PCDHGA1: variants seen among roughly 807,000 people sequenced by gnomAD.
The protein encoded by PCDHGA1 is protocadherin gamma subfamily A, 1.
In PCDHGA1, 32 loss-of-function variants were observed where a neutral mutation model predicts 58.0. The observed-to-expected ratio is 0.55, with a 90% CI of 0.42 to 0.74. The LOEUF is 0.74. Ranked by LOEUF, PCDHGA1 falls within the 30% of genes least tolerant of loss-of-function variation. The pLI, the probability that PCDHGA1 is intolerant of heterozygous loss-of-function variation, is 0.00. For missense variants in PCDHGA1, 1,205 were observed against 1,182.3 expected (o/e 1.02, Z -0.28); for synonymous variants, 498 against 501.1 (o/e 0.99, Z 0.08).
chr5:141,432,088 AGACACCAAC>A lies in PCDHGA1; in HGVS notation c.2422-62714_2422-62706del, dbSNP rs1561857611. 6.2e-7 allele frequency: 1 copy of A among 1,614,148 alleles called. No individual in the cohort carries two copies. Among genetic ancestry groups the A allele is most frequent in the Admixed American group, 1.7e-5 (1 of 60,024 alleles). ...AAACTCATATCTCGCTGAACGTGGC[AGACACCAAC>A]GACAACCCGCCGGTCTTCCCTCAGG... is the stretch of plus-strand genomic sequence containing the variant. On this transcript the variant is annotated intron_variant, in intron 1 of 3. Transcript: ENST00000517417. This position sits in a 1 kb window ranked among gnomAD's most constrained non-coding sequence, Gnocchi z 6.0.
At chr5:141,392,694 CCT>C in intron 1 of PCDHGA1, 4 of 1,186,390 alleles carry the variant, frequency 3.4e-6, no homozygotes, top group Non-Finnish European at 4.6e-6. Flanking sequence ...AAACCCGACC[CCT>C]GTTTGGAGGC....
chr5:141,459,311 T>A (rs1298312167), intron 1 of PCDHGA1, among the ~76,000 whole-genome samples: 1 of 152,250 alleles, frequency 6.6e-6, no homozygotes, highest in Non-Finnish European at 1.5e-5. Flanking sequence ...TATACTATTT[T>A]GTATCCATCT....
At chr5:141,442,005 C>G (rs1037210381) in intron 1 of PCDHGA1, 1 of 229,014 alleles carries the variant, frequency 4.4e-6, no homozygotes. Flanking sequence ...GCTGACAGCT[C>G]GCACGATGGG....
Position 141,490,778 on chromosome 5 carries a change from A to T in PCDHGA1, c.2422-4029A>T, listed in dbSNP as rs964301520. The T allele has an allele frequency of 5.6e-6, 9 of 1,614,098 alleles. No individual in the cohort carries two copies. The highest frequency in any genetic ancestry group is 7.6e-6 in the Non-Finnish European group (9 of 1,179,962). On this transcript the variant is annotated intron_variant, in intron 1 of 3. Transcript: ENST00000517417. This position sits in a 1 kb window ranked among gnomAD's most constrained non-coding sequence, Gnocchi z 5.4. ...TCCTTTGTGTATGTCAACCCAGAGG[A>T]TGGACGGATCTTTGCCCAGCGTACC... is the stretch of plus-strand genomic sequence containing the variant.
chr5:141,374,172 A>C (rs1770228418), intron 1 of PCDHGA1: 1 of 1,613,448 alleles, frequency 6.2e-7, no homozygotes, highest in Non-Finnish European at 8.5e-7. Context: ...GCGGCAGCGC[A>C]GATCCGCTAC....
At chr5:141,346,169 G>A in intron 1 of PCDHGA1, 10 of 1,614,052 alleles carry the variant, frequency 6.2e-6, no homozygotes, top group South Asian at 1.1e-5. Flanking sequence ...TCGTGCTGCT[G>A]GCGCTCAGGC....
intron 1 of PCDHGA1, chr5:141,364,269 A>G: frequency 6.6e-7 from 1 of 1,512,256 alleles, no homozygotes; most frequent in East Asian, 2.3e-5. Flanking sequence ...CATCGGCTTT[A>G]GATAAATAAG....
intron 1 of PCDHGA1, chr5:141,344,903 G>GTTA (rs759512018): frequency 6.2e-7 from 1 of 1,613,758 alleles, no homozygotes; most frequent in Non-Finnish European, 8.5e-7. Flanking sequence ...AAATCGCTGA[G>GTTA]ATTTTCCATC....
Position 141,431,435 on chromosome 5 carries a change from G to T in PCDHGA1, c.2422-63372G>T. On this transcript the variant is annotated intron_variant, in intron 1 of 3. Coordinates refer to ENST00000517417, the MANE Select transcript of PCDHGA1 (RefSeq NM_018912.3). This position sits in a 1 kb window ranked among gnomAD's most constrained non-coding sequence, Gnocchi z 4.8. The stretch of plus-strand genomic sequence containing the variant: ...GGGCGACCCGGTGCGCACAGGCACC[G>T]CGCGCATCCGCGTGATGGTTCTGGA... The T allele has an allele frequency of 6.2e-7, 1 of 1,613,668 alleles. No individual in the cohort carries two copies. Among genetic ancestry groups the T allele is most frequent in the Non-Finnish European group, 8.5e-7 (1 of 1,180,026 alleles).
chr5:141,400,319 C>A lies in PCDHGA1; in HGVS notation c.2421+67214C>A, dbSNP rs762588918. ...TTCCAACCTGGTCTCTGTGTCAAGTCTGGACCTGTGGTTCCCCCCAACTAC... is the reference window on the plus strand; with the variant it reads ...TTCCAACCTGGTCTCTGTGTCAAGTATGGACCTGTGGTTCCCCCCAACTAC... On this transcript the variant is annotated intron_variant, in intron 1 of 3. Coordinates refer to ENST00000517417, the MANE Select transcript of PCDHGA1 (RefSeq NM_018912.3). The A allele has an allele frequency of 4.3e-6, 7 of 1,614,092 alleles. No individual in the cohort carries two copies. In the South Asian group the frequency reaches 7.7e-5, roughly 18 times the overall value.
chr5:141,431,622 C>T lies in PCDHGA1; in HGVS notation c.2422-63185C>T, dbSNP rs761448407. 3 of 1,614,070 alleles carry T rather than the reference C, an allele frequency of 1.9e-6. No individual in the cohort carries two copies. The African/African-American group carries it at 4.0e-5, about 22-fold the overall frequency. ...TCCTTCCGGTATGTGGACGACAAGGCGGCCCAAGTTTTCAAACTAGATTGT... is the reference window on the plus strand; with the variant it reads ...TCCTTCCGGTATGTGGACGACAAGGTGGCCCAAGTTTTCAAACTAGATTGT... On this transcript the variant is annotated intron_variant, in intron 1 of 3. Transcript: ENST00000517417. The surrounding 1 kb of genome is among the most constrained non-coding windows in gnomAD (Gnocchi z 4.8).
chr5:141,423,897 T>G, intron 1 of PCDHGA1: 7 of 1,278,866 alleles, frequency 5.5e-6, no homozygotes, highest in Non-Finnish European at 6.9e-6. Flanking sequence ...TTTCTTTTGA[T>G]TTCAAAGGGG....
At chr5:141,361,647 C>T (rs749825779) in intron 1 of PCDHGA1, 22 of 1,613,724 alleles carry the variant, frequency 1.4e-5, no homozygotes, top group South Asian at 3.3e-5. Flanking sequence ...TTTTATCCTA[C>T]GTGTCCGTGA....
At chr5:141,344,529 T>C (rs1396704157) in intron 1 of PCDHGA1, 2 of 1,613,890 alleles carry the variant, frequency 1.2e-6, no homozygotes, top group Admixed American at 1.7e-5. Context: ...AGGCATTAAC[T>C]CCCTGCAGAA....
At chr5:141,496,262 C>G (rs934511905) in intron 2 of PCDHGA1, among the ~76,000 whole-genome samples, 3 of 152,158 alleles carry the variant, frequency 2.0e-5, no homozygotes, top group African/African-American at 7.2e-5. Flanking sequence ...GAAACTTCAG[C>G]AGAAAGACCT....
intron 1 of PCDHGA1, chr5:141,371,080 G>A: frequency 1.2e-6 from 2 of 1,613,876 alleles, no homozygotes; most frequent in Non-Finnish European, 1.7e-6. Flanking sequence ...ACCCAGATCA[G>A]GGTAATTGTC....
intron 1 of PCDHGA1, among the ~76,000 whole-genome samples, chr5:141,434,192 A>G (rs2097676888): frequency 6.6e-6 from 1 of 152,194 alleles, no homozygotes; most frequent in Non-Finnish European, 1.5e-5. Context: ...TGTAATTCCA[A>G]TGTACTTACT....
chr5:141,394,066 A>T (rs1589216611), intron 1 of PCDHGA1: 1 of 1,613,738 alleles, frequency 6.2e-7, no homozygotes, highest in Admixed American at 1.7e-5. Context: ...GTCTCTATCT[A>T]CAATATCACA....
At chr5:141,366,172 A>G (rs559505576) in intron 1 of PCDHGA1, 15 of 1,614,076 alleles carry the variant, frequency 9.3e-6, no homozygotes, top group African/African-American at 8.0e-5. Context: ...CCAGCGAGCC[A>G]GGACTCTTTG....
Sources: gnomAD v4.1 joint callset for allele counts (sites outside exome capture counted in the v4.1 genomes callset) on GRCh38, gnomAD v4.1.1 for gene constraint, Gnocchi (gnomAD v3.1) non-coding constraint, MANE v1.5 for transcripts, NCBI Gene and HGNC (gene_info 2026-07-23, HGNC 2026-07-21) for gene names.